TRIM17: variants seen among roughly 807,000 people sequenced by gnomAD.
The protein encoded by TRIM17 is E3 ubiquitin-protein ligase TRIM17.
In TRIM17, 27 loss-of-function variants were observed where a neutral mutation model predicts 35.8. The ratio of observed to expected loss-of-function variants is 0.75; its 90% CI spans 0.56 to 1.04. TRIM17 has a LOEUF of 1.04. Among genes scored for constraint, TRIM17 ranks in the 50% least tolerant of loss-of-function variants. The pLI is 0.00. For missense variants in TRIM17, 582 were observed against 612.8 expected, an observed-to-expected ratio of 0.95 and a Z score of 0.53; for synonymous variants, 246 against 252.6, an observed-to-expected ratio of 0.97 and a Z score of 0.25.
Position 228,416,722 on chromosome 1 carries a change from G to GGC in TRIM17, c.-226_-225insGC. ...GGGGCTGGGGGGCGGCGGGGGAGGG[G>GGC]AATGCTGGGCGAGGGAGTGTTCGGC... On this transcript the variant is annotated 5_prime_UTR_variant, in exon 1 of 7. Transcript: ENST00000366698. The GGC allele has an allele frequency of 8.8e-6, 5 of 568,090 alleles. No individual in the cohort carries two copies. Among genetic ancestry groups the GGC allele is most frequent in the Non-Finnish European group, 1.1e-5 (5 of 453,576 alleles). 35.2% of individuals were successfully genotyped at this position (568,090 alleles called of 1,614,324 possible). A position where few individuals can be genotyped will look rare whatever the true frequency, so the allele number is the denominator to read the frequency against.
chr1:228,408,638 G>T lies in TRIM17; in HGVS notation c.997C>A (p.Arg333=). Residue 333 remains arginine (R), a synonymous_variant, in exon 7 of 7, where the codon CGA becomes AGA. Transcript: ENST00000366698. This position sits in a 1 kb window ranked among gnomAD's most constrained non-coding sequence, Gnocchi z 6.3. ...ACAGCACAGGGGTAAGCCACAAATC[G>T]GTCCTTGCTGCAGAACCCACTGCCC... ...PEGSGFCSKD[R]FVAYPCAVGQ... is the part of the protein sequence containing the mutation. The T allele has an allele frequency of 1.9e-6, 3 of 1,613,388 alleles. No homozygotes were observed. The highest frequency in any genetic ancestry group is 1.7e-6 in the Non-Finnish European group (2 of 1,180,034).
At chr1:228,415,150 G>T in intron 1 of TRIM17, 37 bp from the exon 2 acceptor site, 1 of 1,489,596 alleles carries the variant, frequency 6.7e-7, no homozygotes, top group Non-Finnish European at 9.0e-7. Flanking sequence ...GATGATCTGG[G>T]CGCCGGCAGT....
intron 6 of TRIM17, 87 bp downstream of exon 6, chr1:228,409,085 C>T (rs753341731): frequency 1.4e-5 from 22 of 1,613,682 alleles, no homozygotes; most frequent in Non-Finnish European, 1.9e-5. Context: ...GAACCCCCCC[C>T]ATTGGTGGCT....
In TRIM17 at chr1:228,410,831, A is replaced by G; in HGVS notation, c.756+115T>C. 1.3e-6 allele frequency: 1 copy of G among 743,294 alleles called. No homozygotes were observed. The highest frequency in any genetic ancestry group is 2.1e-6 in the Non-Finnish European group (1 of 471,906). 46.0% of individuals were successfully genotyped at this position (743,294 alleles called of 1,614,324 possible). On this transcript the variant is annotated intron_variant, in intron 4 of 6. Coordinates refer to ENST00000366698, the MANE Select transcript of TRIM17 (RefSeq NM_016102.4). The surrounding 1 kb of genome is among the most constrained non-coding windows in gnomAD (Gnocchi z 4.6). ...CAGCCACCCAGCCTCCAGGACTAGC[A>G]GACTGGGAGCTAACAGCCCTTTCCC...
chr1:228,413,722 G>T, intron 3 of TRIM17, 75 bp downstream of exon 3: 1 of 1,261,612 alleles, frequency 7.9e-7, no homozygotes, highest in Non-Finnish European at 1.1e-6. Context: ...ATATCCCCAC[G>T]GGCAGACACA....
rs1656607513 is a variant in TRIM17 at position 228,408,824 on chromosome 1, G to A, written c.884-73C>T. Reference sequence around the variant, plus strand: ...TCAGGGTCAAAGGTGGGAGTCCCCGGGCCCTAGTGGTGGATGTGGCCAATG... The same window carrying A: ...TCAGGGTCAAAGGTGGGAGTCCCCGAGCCCTAGTGGTGGATGTGGCCAATG... On this transcript the variant is annotated intron_variant, in intron 6 of 6. Coordinates refer to ENST00000366698, the MANE Select transcript of TRIM17 (RefSeq NM_016102.4). This position sits in a 1 kb window ranked among gnomAD's most constrained non-coding sequence, Gnocchi z 6.3. 2 of 1,537,140 alleles carry A rather than the reference G, an allele frequency of 1.3e-6. No homozygotes were observed. The highest frequency in any genetic ancestry group is 1.7e-6 in the Non-Finnish European group (2 of 1,148,028).
intron 1 of TRIM17, chr1:228,416,004 C>G (rs1657102450): frequency 1.3e-5 from 2 of 152,274 alleles, no homozygotes; most frequent in Non-Finnish European, 2.9e-5. Flanking sequence ...AATCTCAACA[C>G]TCGCGACCCC....
Position 228,415,073 on chromosome 1 carries a change from G to A in TRIM17, c.-1C>T. 1.3e-6 allele frequency: 2 copies of A among 1,598,650 alleles called. No individual in the cohort carries two copies. The highest frequency in any genetic ancestry group is 1.7e-6 in the Non-Finnish European group (2 of 1,169,446). ...TTCTGGCGAGTTCCACAGCCTCCAT[G>A]GCTCCTGGGAGACACGAGGCAGGTT... On this transcript the variant is annotated 5_prime_UTR_variant, in exon 2 of 7. Transcript: ENST00000366698.
Position 228,408,225 on chromosome 1 carries a change from T to C in TRIM17, c.1410A>G (p.Thr470=), listed in dbSNP as rs371037607. 2.6e-6 allele frequency: 4 copies of C among 1,550,268 alleles called. No homozygotes were observed. In the African/African-American group the frequency reaches 4.1e-5, roughly 16 times the overall value. The change falls in exon 7 of 7, where the codon ACA becomes ACG. Residue 470 remains threonine (T), a synonymous_variant. Transcript: ENST00000366698. The surrounding 1 kb of genome is among the most constrained non-coding windows in gnomAD (Gnocchi z 6.3). The part of the protein sequence containing the change: ...APKSGQMVIS[T]VTMWVKG ...TCTATCCTTTCACCCACATGGTCAC[T>C]GTGGAGATGACCATCTGACCAGACT...
intron 1 of TRIM17, 105 bp from the exon 2 acceptor site, chr1:228,415,218 T>TA: frequency 3.4e-6 from 3 of 894,652 alleles, no homozygotes; most frequent in East Asian, 2.7e-5. Context: ...GCAGTCCAGT[T>TA]AGAGAGTCCA....
At chr1:228,413,322 CTTGTTTAAA>C (rs1247096751) in intron 3 of TRIM17, among the ~76,000 whole-genome samples, 1 of 152,124 alleles carries the variant, frequency 6.6e-6, no homozygotes, top group Non-Finnish European at 1.5e-5. Flanking sequence ...ACCTGAGACA[CTTGTTTAAA>C]TACTTAACCA....
intron 3 of TRIM17, among the ~76,000 whole-genome samples, 174 bp downstream of exon 3, chr1:228,413,623 A>G (rs1185037543): frequency 1.3e-5 from 2 of 152,118 alleles, no homozygotes; most frequent in African/African-American, 4.8e-5. Context: ...TCTGCTGTTC[A>G]TCTGTCTTAA....
chr1:228,409,335 C>T (rs1432176202), intron 5 of TRIM17, 54 bp downstream of exon 5: 13 of 1,535,620 alleles, frequency 8.5e-6, no homozygotes, highest in African/African-American at 1.4e-5. Flanking sequence ...GTCTTATTGT[C>T]CCCCCCGCCC....
In TRIM17 at chr1:228,410,803, C is replaced by T; in HGVS notation, c.756+143G>A. The T allele has an allele frequency of 4.7e-6, 3 of 637,610 alleles. No homozygotes were observed. The highest frequency in any genetic ancestry group is 7.9e-6 in the Non-Finnish European group (3 of 378,134). 39.5% of individuals were successfully genotyped at this position (637,610 alleles called of 1,614,324 possible). ...GGAACCAGGCCTGCCCGCACCTTGG[C>T]CTCAGCCACCCAGCCTCCAGGACTA... On this transcript the variant is annotated intron_variant, in intron 4 of 6. Transcript: ENST00000366698. The surrounding 1 kb of genome is among the most constrained non-coding windows in gnomAD (Gnocchi z 4.6).
In TRIM17 at chr1:228,410,003, C is replaced by T. The variant is rs1656690052; in HGVS notation, c.757-592G>A. Among the ~76,000 whole-genome samples the T allele has an allele frequency of 1.3e-5, 2 of 152,150 alleles. No individual in the cohort carries two copies. The highest frequency in any genetic ancestry group is 6.5e-5 in the Admixed American group (1 of 15,278). ...CAGGTGGCGCGCTTGGCCCTCTGCT[C>T]ATAGGAGCACCCTTCTACCAGCTGC... On this transcript the variant is annotated intron_variant, in intron 4 of 6. Coordinates refer to ENST00000366698, the MANE Select transcript of TRIM17 (RefSeq NM_016102.4). This position sits in a 1 kb window ranked among gnomAD's most constrained non-coding sequence, Gnocchi z 4.6.
In TRIM17 at chr1:228,413,827, G is replaced by A; in HGVS notation, c.495C>T (p.Ala165=). 1 of 1,614,158 alleles carries A rather than the reference G, an allele frequency of 6.2e-7. No individual in the cohort carries two copies. The highest frequency in any genetic ancestry group is 1.1e-5 in the South Asian group (1 of 91,086). ...EQITRTGNLQ[A]REEQSLAEWQ... The stretch of plus-strand genomic sequence containing the variant: ...ACTCGGCTAAGCTCTGCTCCTCCCT[G>A]GCCTGCAGATTCCCTGTCCTGGTGA... The change falls in exon 3 of 7, where the codon GCC becomes GCT. Residue 165 remains alanine, a synonymous_variant. Transcript: ENST00000366698.
chr1:228,416,823 C>T lies in TRIM17; in HGVS notation c.-326G>A. On this transcript the variant is annotated 5_prime_UTR_variant, in exon 1 of 7. Transcript: ENST00000366698. ...AAGGAAGGCGGCAGGGGGTGGAAGG[C>T]TCTGGACGAGCCGGGGACAGGCGCA... The T allele has an allele frequency of 2.0e-6, 2 of 984,048 alleles. No homozygotes were observed. Among genetic ancestry groups the T allele is most frequent in the South Asian group, 4.7e-5 (1 of 21,230 alleles). 61.0% of individuals were successfully genotyped at this position (984,048 alleles called of 1,614,324 possible). A position where few individuals can be genotyped will look rare whatever the true frequency, so the allele number is the denominator to read the frequency against.
chr1:228,414,585 C>A lies in TRIM17; in HGVS notation c.429+59G>T, dbSNP rs773923057. ...CCTCCCTCCCCCATGATCTGGGTCA[C>A]CTTGTCCCCCTGGATGCCTCCTCCC... On this transcript the variant is annotated intron_variant, in intron 2 of 6. Transcript: ENST00000366698. 29 of 1,472,934 alleles carry A rather than the reference C, an allele frequency of 2.0e-5. No homozygotes were observed. In the East Asian group the frequency reaches 6.6e-4, roughly 34 times the overall value. The allele number at this position is 1,472,934 out of a possible 1,614,324, so 91.2% of individuals were successfully genotyped here.
chr1:228,414,929 C>T lies in TRIM17; in HGVS notation c.144G>A (p.Arg48=), dbSNP rs1181127504. The change falls in exon 2 of 7, where the codon AGG becomes AGA. Residue 48 remains arginine, a synonymous_variant. Coordinates refer to ENST00000366698, the MANE Select transcript of TRIM17 (RefSeq NM_016102.4). ...ACIQLSWEKA[R]GKKGRRKRKG... is the part of the protein sequence containing the mutation. ...TCCGCTTCCGCCTCCCCTTCTTGCC[C>T]CTCGCCTTTTCCCAGCTCAGCTGGA... 1.2e-6 allele frequency: 2 copies of T among 1,613,494 alleles called. No homozygotes were observed. Among genetic ancestry groups the T allele is most frequent in the Non-Finnish European group, 1.7e-6 (2 of 1,179,996 alleles).
Sources: allele counts gnomAD v4.1 joint callset (sites outside exome capture counted in the v4.1 genomes callset), GRCh38; gene constraint gnomAD v4.1.1; non-coding constraint Gnocchi (gnomAD v3.1); transcripts MANE v1.5; gene names NCBI Gene and HGNC (gene_info 2026-07-23, HGNC 2026-07-21).